The following RRP1B variants were observed in gnomAD, a reference collection of about 807,000 sequenced individuals.
RRP1B encodes the protein ribosomal RNA processing protein 1 homolog B.
RRP1B carries 56 observed loss-of-function variants against 80.2 expected under a neutral mutation model. The observed-to-expected ratio is 0.70, with a 90% CI of 0.56 to 0.87. The LOEUF (loss-of-function observed/expected upper bound fraction) is 0.87. RRP1B is among the 40% of genes least tolerant of loss of function. The probability of loss-of-function intolerance (pLI) is 0.00; values close to 1 mark genes in which losing one functional copy is unlikely to be tolerated. For missense variants in RRP1B, 807 were observed against 939.8 expected, an observed-to-expected ratio of 0.86 and a Z score of 1.85; for synonymous variants, 351 against 357.6, an observed-to-expected ratio of 0.98 and a Z score of 0.21.
At chr21:43,690,215 C>G in intron 13 of RRP1B, 73 bp from the exon 14 acceptor site, 2 of 1,555,418 alleles carry the variant, frequency 1.3e-6, no homozygotes, top group Non-Finnish European at 1.7e-6. Context: ...GCCTTCCCCT[C>G]CTGTGTGTGT....
intron 13 of RRP1B, among the ~76,000 whole-genome samples, chr21:43,689,231 C>G (rs564979962): frequency 1.3e-5 from 2 of 152,394 alleles, no homozygotes; most frequent in African/African-American, 4.8e-5. Flanking sequence ...AGACAGAGAC[C>G]TGCGGTCTGT....
In RRP1B at chr21:43,691,129, C is replaced by T. The variant is rs554907779; in HGVS notation, c.2020-310C>T. On this transcript the variant is annotated intron_variant, in intron 14 of 15. Coordinates refer to ENST00000340648, the MANE Select transcript of RRP1B (RefSeq NM_015056.3). This position sits in a 1 kb window ranked among gnomAD's most constrained non-coding sequence, Gnocchi z 4.2. The stretch of plus-strand genomic sequence containing the variant: ...CTCTGTTTGCCTTTCTTCCCTGGAT[C>T]GTAGAACCCTGCAGCGGTAATGAGG... Among the ~76,000 whole-genome samples the T allele has an allele frequency of 7.9e-5, 12 of 152,296 alleles. No individual in the cohort carries two copies. Among genetic ancestry groups the T allele is most frequent in the South Asian group, 2.1e-4 (1 of 4,820 alleles).
At position 43,674,924 on chromosome 21, in the gene RRP1B, CATTG is replaced by C. The variant is rs1346154467; in HGVS notation, c.420-105_420-102del. 1.5e-5 allele frequency: 21 copies of C among 1,400,864 alleles called. No homozygotes were observed. In the Middle Eastern group the frequency reaches 7.4e-4, roughly 49 times the overall value. The allele number at this position is 1,400,864 out of a possible 1,614,324, so 86.8% of individuals were successfully genotyped here. A position where few individuals can be genotyped will look rare whatever the true frequency, so the allele number is the denominator to read the frequency against. ...TCCTTGTAAAATGATTTCAGCCTTG[CATTG>C]ATTGTTAGGCTGTGTAGGTTCTAGA... On this transcript the variant is annotated intron_variant, in intron 5 of 15. Coordinates refer to ENST00000340648, the MANE Select transcript of RRP1B (RefSeq NM_015056.3).
At chr21:43,670,813 C>T (rs1268376336) in intron 2 of RRP1B, among the ~76,000 whole-genome samples, 1 of 152,292 alleles carries the variant, frequency 6.6e-6, no homozygotes, top group South Asian at 2.1e-4. Flanking sequence ...TTGAGAAGTG[C>T]TTGCAAGTCT....
rs1340134610 is a variant in RRP1B, at chr21:43,693,854, G to A, written c.*471G>A. On this transcript the variant is annotated 3_prime_UTR_variant, in exon 16 of 16. Coordinates refer to ENST00000340648, the MANE Select transcript of RRP1B (RefSeq NM_015056.3). This position sits in a 1 kb window ranked among gnomAD's most constrained non-coding sequence, Gnocchi z 4.1. The stretch of plus-strand genomic sequence containing the variant: ...TCTGTTTTCTTTTAAAAGCATGTAG[G>A]GCTTCATTGCCATGTTCTGTGGGTG... 1 of 153,496 alleles carries A rather than the reference G, an allele frequency of 6.5e-6. No individual in the cohort carries two copies. Among genetic ancestry groups the A allele is most frequent in the Non-Finnish European group, 1.4e-5 (1 of 69,114 alleles). 9.5% of individuals were successfully genotyped at this position (153,496 alleles called of 1,614,324 possible).
intron 2 of RRP1B, among the ~76,000 whole-genome samples, chr21:43,671,460 A>G (rs1371998426): frequency 6.9e-6 from 1 of 144,726 alleles, no homozygotes; most frequent in Admixed American, 7.1e-5. Context: ...CAACCTCCCT[A>G]TTGCTCAGCT....
In RRP1B at chr21:43,672,426, A is replaced by T. The variant is rs528841857; in HGVS notation, c.271+61A>T. The T allele has an allele frequency of 9.3e-4, 1,296 of 1,393,410 alleles. 22 individuals carry two copies. The South Asian group carries it at 0.014, about 16-fold the overall frequency. 86.3% of individuals were successfully genotyped at this position (1,393,410 alleles called of 1,614,324 possible). A position where few individuals can be genotyped will look rare whatever the true frequency, so the allele number is the denominator to read the frequency against. Reference sequence around the variant, plus strand: ...TTTCCGACTTGCTAGTTTAATGGGAACCTTGTGCCGGTATTGTGTAGATGT... The same window carrying T: ...TTTCCGACTTGCTAGTTTAATGGGATCCTTGTGCCGGTATTGTGTAGATGT... On this transcript the variant is annotated intron_variant, in intron 3 of 15. Transcript: ENST00000340648.
At chr21:43,674,393 A>G (rs2083012659) in intron 4 of RRP1B, among the ~76,000 whole-genome samples, 1 of 152,014 alleles carries the variant, frequency 6.6e-6, no homozygotes, top group Non-Finnish European at 1.5e-5. Context: ...CTGGCCTCAA[A>G]TGATCTGCCC....
Position 43,683,326 on chromosome 21 carries a change from G to A in RRP1B, c.844G>A (p.Gly282Arg). ...AAAAGATGGACTCAGTGATGAAAGA[G>A]GAAGAGATGACTGTGGAACCTTTGA... is the stretch of plus-strand genomic sequence containing the variant. ...SRKDGLSDERGRDDCGTFEDT... is the reference protein window; with the variant it reads ...SRKDGLSDERRRDDCGTFEDT... Residue 282 changes from glycine (G) to arginine (R), a missense_variant, in exon 9 of 16, where the codon GGA (glycine) becomes AGA (arginine). Gly to Arg is a moderately radical substitution (Grantham distance 125). Coordinates refer to ENST00000340648, the MANE Select transcript of RRP1B (RefSeq NM_015056.3). The A allele has an allele frequency of 1.2e-6, 2 of 1,614,196 alleles. No homozygotes were observed. Among genetic ancestry groups the A allele is most frequent in the East Asian group, 2.2e-5 (1 of 44,892 alleles).
At position 43,687,499 on chromosome 21, in the gene RRP1B, G is replaced by T. The variant is rs1308028129; in HGVS notation, c.1142-17G>T. ...AGCTGGCACTGGGTGCTTGTTGATG[G>T]GTTTCTGTCTTTTTAGGAAGCAGAG... On this transcript the variant is annotated splice_polypyrimidine_tract_variant and intron_variant, in intron 12 of 15. Coordinates refer to ENST00000340648, the MANE Select transcript of RRP1B (RefSeq NM_015056.3). 2.7e-6 allele frequency: 4 copies of T among 1,472,584 alleles called. No individual in the cohort carries two copies. The highest frequency in any genetic ancestry group is 2.3e-5 in the Admixed American group (1 of 43,078). 91.2% of individuals were successfully genotyped at this position (1,472,584 alleles called of 1,614,324 possible). A position where few individuals can be genotyped will look rare whatever the true frequency, so the allele number is the denominator to read the frequency against.
intron 10 of RRP1B, 30 bp from the exon 11 acceptor site, chr21:43,685,740 A>T (rs772414975): frequency 1.4e-6 from 2 of 1,404,164 alleles, no homozygotes; most frequent in South Asian, 3.0e-5. Flanking sequence ...TTATTTTTTT[A>T]TTTTTTATTT....
At chr21:43,676,069 T>C (rs1409565180) in intron 6 of RRP1B, among the ~76,000 whole-genome samples, 1 of 152,076 alleles carries the variant, frequency 6.6e-6, no homozygotes, top group African/African-American at 2.4e-5. Flanking sequence ...TGCACTAAGA[T>C]ACCAAGTAGC....
chr21:43,663,288 CAG>C (rs973657491), intron 1 of RRP1B, among the ~76,000 whole-genome samples: 17 of 152,184 alleles, frequency 1.1e-4, no homozygotes, highest in African/African-American at 3.4e-4. Flanking sequence ...TTTTTTGAGA[CAG>C]AGTTTCACTC....
chr21:43,684,761 T>A, intron 10 of RRP1B, 111 bp downstream of exon 10: 1 of 864,218 alleles, frequency 1.2e-6, no homozygotes. Flanking sequence ...TTTTTTGTCC[T>A]TTAATGCTTT....
At chr21:43,672,001 A>G (rs2083001320) in intron 2 of RRP1B, among the ~76,000 whole-genome samples, 1 of 152,230 alleles carries the variant, frequency 6.6e-6, no homozygotes, top group Non-Finnish European at 1.5e-5. Context: ...ATAGTTATAA[A>G]GCCAGGAACT....
At chr21:43,682,514 C>A (rs901180986) in intron 8 of RRP1B, among the ~76,000 whole-genome samples, 2 of 152,212 alleles carry the variant, frequency 1.3e-5, no homozygotes, top group Non-Finnish European at 1.5e-5. Context: ...GAAGCATGCT[C>A]GTGAAAAGTG....
At chr21:43,661,501 T>C (rs1051192645) in intron 1 of RRP1B, among the ~76,000 whole-genome samples, 3 of 152,130 alleles carry the variant, frequency 2.0e-5, no homozygotes, top group Non-Finnish European at 4.4e-5. Context: ...CTGGCCCACA[T>C]CCAGTGGGAG....
In RRP1B at chr21:43,669,888, T is replaced by A; in HGVS notation, c.135T>A (p.Gly45=). 1 of 1,609,458 alleles carries A rather than the reference T, an allele frequency of 6.2e-7. No individual in the cohort carries two copies. Among genetic ancestry groups the A allele is most frequent in the South Asian group, 1.1e-5 (1 of 90,594 alleles). ...TTGTATTGTTTTGCCTTCCAGGAGG[T>A]TTCAGTCAGGAAGAACTTCTGAAAA... ...ISVKTQRETG[G]FSQEELLKIW... Residue 45 remains glycine, a synonymous_variant, in exon 2 of 16, where the codon GGT becomes GGA. Coordinates refer to ENST00000340648, the MANE Select transcript of RRP1B (RefSeq NM_015056.3).
chr21:43,682,789 C>T (rs1568958800), intron 8 of RRP1B, among the ~76,000 whole-genome samples: 1 of 152,252 alleles, frequency 6.6e-6, no homozygotes, highest in Non-Finnish European at 1.5e-5. Flanking sequence ...CCCAGACTTA[C>T]CTTCATTCCC....
Sources: allele counts gnomAD v4.1 joint callset (sites outside exome capture counted in the v4.1 genomes callset), GRCh38; gene constraint gnomAD v4.1.1; non-coding constraint Gnocchi (gnomAD v3.1); transcripts MANE v1.5; gene names NCBI Gene and HGNC (gene_info 2026-07-23, HGNC 2026-07-21).